C3orf49: variants seen among roughly 807,000 people sequenced by gnomAD.
C3orf49 encodes the protein chromosome 3 open reading frame 49, also known as putative uncharacterized protein C3orf49.
C3orf49 carries 27 observed loss-of-function variants against 13.3 expected under a neutral mutation model. That is an observed-to-expected ratio of 2.02 (90% CI 1.49 to 2.79). C3orf49 has a LOEUF of 2.79. C3orf49 is among the 30% of genes most tolerant of loss of function. The pLI is 0.00. For synonymous variants in C3orf49, 87 were observed against 47.6 expected (o/e 1.83, Z -3.40); for missense variants, 242 against 134.2 (o/e 1.80, Z -3.97).
chr3:63,800,902 G>C, the C3orf49 span, among the ~76,000 whole-genome samples: 4 of 152,104 alleles, frequency 2.6e-5, no homozygotes, highest in African/African-American at 9.7e-5. Context: ...TGCCAAGAAG[G>C]CAGGATATGT....
At chr3:63,803,494 A>G in the C3orf49 span, among the ~76,000 whole-genome samples, 42 of 152,352 alleles carry the variant, frequency 2.8e-4, no homozygotes, top group South Asian at 8.3e-3. Context: ...CAACCTGCAG[A>G]CTGAAGCCAA....
At chr3:63,835,050 A>G (rs1701600998) in intron 5 of C3orf49, 2 of 1,125,298 alleles carry the variant, frequency 1.8e-6, no homozygotes, top group South Asian at 1.5e-5. Flanking sequence ...CTGTTCAGAA[A>G]TTGAAGGTAT....
chr3:63,827,655 A>G lies in C3orf49; in HGVS notation c.500A>G (p.Asn167Ser). 1.4e-6 allele frequency: 1 copy of G among 703,252 alleles called. No individual in the cohort carries two copies. The highest frequency in any genetic ancestry group is 2.6e-6 in the Non-Finnish European group (1 of 385,058). 43.6% of individuals were successfully genotyped at this position (703,252 alleles called of 1,614,324 possible). A position where few individuals can be genotyped will look rare whatever the true frequency, so the allele number is the denominator to read the frequency against. The change falls in exon 3 of 7, where the codon AAC (asparagine) becomes AGC (serine). Residue 167 changes from asparagine (N) to serine (S), a missense_variant. Coordinates refer to ENST00000295896, the MANE Select transcript of C3orf49 (RefSeq NM_001355236.2). ...EAETEEITQG[N>S]TLLRARRTTK... ...GAGACAGAGGAGATAACCCAGGGAAACACACTCCTTCGGGCCAGGAGAACC... is the reference window on the plus strand; with the variant it reads ...GAGACAGAGGAGATAACCCAGGGAAGCACACTCCTTCGGGCCAGGAGAACC...
chr3:63,836,193 C>G (rs1354842502), intron 5 of C3orf49: 1 of 977,038 alleles, frequency 1.0e-6, no homozygotes, highest in Non-Finnish European at 1.5e-6. Flanking sequence ...AATATCTGAC[C>G]CCTCCTTTTG....
At chr3:63,803,980 G>C in the C3orf49 span, among the ~76,000 whole-genome samples, 1 of 151,674 alleles carries the variant, frequency 6.6e-6, no homozygotes, top group African/African-American at 2.4e-5. Context: ...AGATCATCAG[G>C]CATTAGGTTC....
chr3:63,780,221 A>G, the C3orf49 span, among the ~76,000 whole-genome samples: 4 of 152,128 alleles, frequency 2.6e-5, no homozygotes, highest in South Asian at 4.2e-4. Flanking sequence ...ATTCCCACCT[A>G]TGAGTGAGAA....
chr3:63,845,115 G>A (rs530277546), intron 6 of C3orf49, 33 bp downstream of exon 6: 2 of 680,528 alleles, frequency 2.9e-6, no homozygotes, highest in Non-Finnish European at 5.3e-6. Flanking sequence ...GGGGTGGGGG[G>A]TACTATCTCC....
rs572379048 is a variant in C3orf49 at position 63,844,957 on chromosome 3, A to G, written c.850-66A>G. The G allele has an allele frequency of 6.3e-5, 39 of 614,798 alleles. No individual in the cohort carries two copies. The South Asian group carries it at 7.3e-4, about 11-fold the overall frequency. The allele number at this position is 614,798 out of a possible 1,614,324, so 38.1% of individuals were successfully genotyped here. A position where few individuals can be genotyped will look rare whatever the true frequency, so the allele number is the denominator to read the frequency against. ...AATGTGGAAGCGGCAAGTGTTGCCCAAGTCTAGAATCATAAATAAAGACAA... is the reference window on the plus strand; with the variant it reads ...AATGTGGAAGCGGCAAGTGTTGCCCGAGTCTAGAATCATAAATAAAGACAA... On this transcript the variant is annotated intron_variant, in intron 5 of 6. Coordinates refer to ENST00000295896, the MANE Select transcript of C3orf49 (RefSeq NM_001355236.2).
the C3orf49 span, among the ~76,000 whole-genome samples, chr3:63,790,723 A>G: frequency 2.0e-5 from 3 of 151,680 alleles, no homozygotes; most frequent in East Asian, 5.8e-4. Context: ...TAACTGCATG[A>G]TTTAACACTT....
At chr3:63,815,986 G>A (rs1203862066), upstream of C3orf49, among the ~76,000 whole-genome samples, 4 of 151,322 alleles carry the variant, frequency 2.6e-5, no homozygotes, top group African/African-American at 9.7e-5. Flanking sequence ...GGGTTTCACC[G>A]TGTTGGCCAG....
At chr3:63,781,344 TC>T in the C3orf49 span, among the ~76,000 whole-genome samples, 1 of 152,036 alleles carries the variant, frequency 6.6e-6, no homozygotes, top group Non-Finnish European at 1.5e-5. Context: ...GTTCCATTGA[TC>T]TATATCTCTG....
upstream of C3orf49, among the ~76,000 whole-genome samples, chr3:63,814,385 G>A (rs1376348734): frequency 6.6e-6 from 1 of 151,692 alleles, no homozygotes; most frequent in Admixed American, 6.6e-5. Flanking sequence ...CCCACCCACT[G>A]CTTCTCACAT....
intron 5 of C3orf49, 134 bp from the exon 6 acceptor site, chr3:63,844,889 G>A (rs80331968): frequency 4.7e-5 from 24 of 508,330 alleles, no homozygotes; most frequent in Middle Eastern, 4.2e-4. Context: ...AGAGTAAGAC[G>A]GAAAATTGTA....
chr3:63,807,077 G>A, the C3orf49 span, among the ~76,000 whole-genome samples: 2 of 151,772 alleles, frequency 1.3e-5, no homozygotes, highest in Admixed American at 6.6e-5. Flanking sequence ...TCAGCCACCC[G>A]AGTAGCTGGG....
At chr3:63,789,881 A>G in the C3orf49 span, among the ~76,000 whole-genome samples, 1 of 151,062 alleles carries the variant, frequency 6.6e-6, no homozygotes, top group Non-Finnish European at 1.5e-5. Context: ...TTGAGACTTC[A>G]CACTTTACAT....
the C3orf49 span, among the ~76,000 whole-genome samples, chr3:63,794,366 C>G: frequency 6.7e-6 from 1 of 149,268 alleles, no homozygotes; most frequent in Non-Finnish European, 1.5e-5. Flanking sequence ...GTCACTAACT[C>G]CTGCATTATT....
chr3:63,804,937 AAATT>A, the C3orf49 span: 1 of 152,222 alleles, frequency 6.6e-6, no homozygotes, highest in East Asian at 1.9e-4. Context: ...AGTGGTCACC[AAATT>A]AATAACATAC....
At chr3:63,783,437 C>G in the C3orf49 span, among the ~76,000 whole-genome samples, 1 of 151,724 alleles carries the variant, frequency 6.6e-6, no homozygotes, top group Admixed American at 6.6e-5. Context: ...AATCCCAGCA[C>G]TTTGGGAGGC....
At chr3:63,808,268 G>A in the C3orf49 span, among the ~76,000 whole-genome samples, 1 of 152,188 alleles carries the variant, frequency 6.6e-6, no homozygotes, top group Non-Finnish European at 1.5e-5. Flanking sequence ...AGAAAATGTA[G>A]AGTTTCTTTT....
Sources: allele counts gnomAD v4.1 joint callset (sites outside exome capture counted in the v4.1 genomes callset), GRCh38; gene constraint gnomAD v4.1.1; transcripts MANE v1.5; gene names NCBI Gene and HGNC (gene_info 2026-07-23, HGNC 2026-07-21).